Variants in RNF130 observed in about 807,000 individuals in gnomAD.
RNF130 encodes the protein E3 ubiquitin-protein ligase RNF130.
Under a neutral mutation model 44.6 loss-of-function variants are expected in RNF130, and 21 were observed. The observed-to-expected ratio is 0.47, with a 90% CI of 0.33 to 0.68. The LOEUF (loss-of-function observed/expected upper bound fraction) is 0.68. Ranked by LOEUF, RNF130 falls within the 30% of genes least tolerant of loss-of-function variation. RNF130 has a pLI of 0.02. For synonymous variants in RNF130, 214 were observed against 210.4 expected, an observed-to-expected ratio of 1.02 and a Z score of -0.15; for missense variants, 479 against 560.6, an observed-to-expected ratio of 0.85 and a Z score of 1.47.
intron 3 of RNF130, among the ~76,000 whole-genome samples, chr5:180,002,849 CT>C (rs1292172358): frequency 6.6e-6 from 1 of 151,958 alleles, no homozygotes; most frequent in African/African-American, 2.4e-5. Context: ...ATTGTTCAGG[CT>C]TTTTTTGCAA....
intron 3 of RNF130, among the ~76,000 whole-genome samples, chr5:180,006,016 A>G (rs62404978): frequency 6.6e-6 from 1 of 152,238 alleles, no homozygotes; most frequent in Non-Finnish European, 1.5e-5. Flanking sequence ...TCTGTATATG[A>G]AAAGTGTTAT....
At chr5:179,993,708 G>A (rs1281306344) in intron 3 of RNF130, among the ~76,000 whole-genome samples, 2 of 152,146 alleles carry the variant, frequency 1.3e-5, no homozygotes, top group Non-Finnish European at 2.9e-5. Flanking sequence ...TTCTTTAGCT[G>A]TGCAGAAGCT....
At chr5:179,941,745 C>T (rs10080045) in intron 7 of RNF130, among the ~76,000 whole-genome samples, 210 of 152,276 alleles carry the variant, frequency 1.4e-3, no homozygotes, top group African/African-American at 4.9e-3. Flanking sequence ...TTTAAAAATA[C>T]TTTTTCCATA....
intron 7 of RNF130, among the ~76,000 whole-genome samples, chr5:179,935,075 A>G (rs533945901): frequency 6.6e-6 from 1 of 152,348 alleles, no homozygotes; most frequent in East Asian, 1.9e-4. Flanking sequence ...ACATTTTAAA[A>G]TAATTTCCAC....
intron 8 of RNF130, among the ~76,000 whole-genome samples, chr5:179,960,523 T>A (rs1247408553): frequency 6.6e-6 from 1 of 152,214 alleles, no homozygotes; most frequent in African/African-American, 2.4e-5. Context: ...CTTGTGGGGA[T>A]CCTCCTTGTG....
intron 7 of RNF130, among the ~76,000 whole-genome samples, chr5:179,947,008 T>G (rs1762051943): frequency 6.6e-6 from 1 of 152,192 alleles, no homozygotes; most frequent in East Asian, 1.9e-4. Flanking sequence ...TCTCAACACC[T>G]CTCTCCCTGA....
At chr5:179,937,190 A>G (rs866009003) in intron 7 of RNF130, among the ~76,000 whole-genome samples, 5 of 151,740 alleles carry the variant, frequency 3.3e-5, no homozygotes, top group African/African-American at 4.9e-5. Flanking sequence ...TCAAAACGAA[A>G]TATCATCAAA....
At chr5:179,925,288 AG>A (rs11333596) in intron 7 of RNF130, among the ~76,000 whole-genome samples, 64,956 of 151,922 alleles carry the variant, frequency 0.43, 14,700 homozygotes, top group East Asian at 0.76. Flanking sequence ...CATGGCCAAC[AG>A]TTTAATCAGT....
At chr5:179,929,981 A>G (rs909138414) in intron 7 of RNF130, among the ~76,000 whole-genome samples, 1 of 152,130 alleles carries the variant, frequency 6.6e-6, no homozygotes, top group Non-Finnish European at 1.5e-5. Flanking sequence ...CTTCTCTTAC[A>G]TATATTCCTC....
intron 1 of RNF130, among the ~76,000 whole-genome samples, chr5:180,053,763 C>G (rs2113164309): frequency 6.6e-6 from 1 of 151,724 alleles, no homozygotes; most frequent in Middle Eastern, 3.4e-3. Context: ...CTGAGAACTG[C>G]AACAAGCACG....
At chr5:180,056,833 G>C (rs1424432581) in intron 1 of RNF130, among the ~76,000 whole-genome samples, 1 of 152,102 alleles carries the variant, frequency 6.6e-6, no homozygotes, top group African/African-American at 2.4e-5. Context: ...TCATAAAGCA[G>C]ATCACCGACA....
intron 2 of RNF130, among the ~76,000 whole-genome samples, chr5:180,025,211 A>G (rs1233951713): frequency 2.0e-5 from 3 of 152,246 alleles, no homozygotes; most frequent in Non-Finnish European, 4.4e-5. Context: ...CCTAACTCCA[A>G]GGTCAGGTCC....
In RNF130 at chr5:179,920,483, A is replaced by C. The variant is rs1430667733; in HGVS notation, c.1151-57T>G. 5.8e-6 allele frequency: 4 copies of C among 691,028 alleles called. No homozygotes were observed. In the African/African-American group the frequency reaches 7.0e-5, roughly 12 times the overall value. 42.8% of individuals were successfully genotyped at this position (691,028 alleles called of 1,614,324 possible). ...AGGTCACCAGGCTTGTGTTTCTCAC[A>C]TGGCTAGGAGGAAACAATGCAGATT... On this transcript the variant is annotated intron_variant, in intron 7 of 7. Coordinates refer to the RNF130 transcript ENST00000522208.
At chr5:180,033,707 A>AG (rs1270165579) in intron 2 of RNF130, among the ~76,000 whole-genome samples, 6 of 151,572 alleles carry the variant, frequency 4.0e-5, no homozygotes, top group African/African-American at 7.2e-5. Context: ...AAAAAAAAAA[A>AG]AGAGAGAGAG....
chr5:179,951,397 T>TG (rs528413427), downstream of RNF130, among the ~76,000 whole-genome samples: 14 of 151,770 alleles, frequency 9.2e-5, no homozygotes, highest in South Asian at 6.3e-4. Context: ...TTGTTTTTTT[T>TG]TTTTGAGATG....
intron 3 of RNF130, among the ~76,000 whole-genome samples, chr5:179,992,544 G>A (rs552340149): frequency 1.3e-5 from 2 of 152,244 alleles, no homozygotes; most frequent in South Asian, 4.1e-4. Flanking sequence ...TATCTTACTT[G>A]ACATTTTGAG....
At chr5:179,942,382 C>G (rs1033154776) in intron 7 of RNF130, among the ~76,000 whole-genome samples, 1 of 151,888 alleles carries the variant, frequency 6.6e-6, no homozygotes, top group Non-Finnish European at 1.5e-5. Flanking sequence ...TCTGTATGCA[C>G]TGATGTGGAA....
intron 7 of RNF130, among the ~76,000 whole-genome samples, chr5:179,931,685 G>T (rs1415379023): frequency 6.6e-6 from 1 of 151,136 alleles, no homozygotes; most frequent in Admixed American, 6.6e-5. Flanking sequence ...TGAGGCAGGA[G>T]AATTGCTTGA....
At chr5:180,007,726 C>G (rs1378840279) in intron 3 of RNF130, among the ~76,000 whole-genome samples, 1 of 152,152 alleles carries the variant, frequency 6.6e-6, no homozygotes, top group African/African-American at 2.4e-5. Context: ...GAAACAAGCT[C>G]GCAGTTTGTG....
Sources: gnomAD v4.1 joint callset for allele counts (sites outside exome capture counted in the v4.1 genomes callset) on GRCh38, gnomAD v4.1.1 for gene constraint, MANE v1.5 for transcripts, NCBI Gene and HGNC (gene_info 2026-07-23, HGNC 2026-07-21) for gene names.